CELF2: variants seen among roughly 807,000 people sequenced by gnomAD.
The protein encoded by CELF2 is CUG triplet repeat RNA-binding protein 2.
CELF2 carries 8 observed loss-of-function variants against 62.6 expected under a neutral mutation model. The observed-to-expected ratio is 0.13, with a 90% CI of 0.07 to 0.23. The LOEUF (loss-of-function observed/expected upper bound fraction) is 0.23. CELF2 is among the 10% of genes least tolerant of loss of function. CELF2 has a pLI of 1.00. For missense variants in CELF2, 333 were observed against 671.0 expected, an observed-to-expected ratio of 0.50 and a Z score of 5.56; for synonymous variants, 258 against 250.0, an observed-to-expected ratio of 1.03 and a Z score of -0.30.
chr10:10,777,604 G>A, the CELF2 span, among the ~76,000 whole-genome samples: 1 of 152,086 alleles, frequency 6.6e-6, no homozygotes, highest in Non-Finnish European at 1.5e-5. Context: ...CAAAGCCTTG[G>A]TCAACTTGTC....
At chr10:11,099,144 A>G (rs538361398) in intron 1 of CELF2, among the ~76,000 whole-genome samples, 14 of 152,338 alleles carry the variant, frequency 9.2e-5, no homozygotes, top group African/African-American at 2.9e-4. Flanking sequence ...TGAAAAACCA[A>G]GGGATACATG....
chr10:10,584,831 A>G, the CELF2 span, among the ~76,000 whole-genome samples: 1 of 152,176 alleles, frequency 6.6e-6, no homozygotes, highest in Non-Finnish European at 1.5e-5. Flanking sequence ...GTGGGTTGTG[A>G]GACTAACGAA....
the CELF2 span, among the ~76,000 whole-genome samples, chr10:10,685,171 G>A: frequency 6.6e-6 from 1 of 152,220 alleles, no homozygotes; most frequent in Non-Finnish European, 1.5e-5. Flanking sequence ...CAGGGGGCCA[G>A]AAGTATACAG....
chr10:10,617,516 G>A, the CELF2 span, among the ~76,000 whole-genome samples: 1 of 152,078 alleles, frequency 6.6e-6, no homozygotes, highest in African/African-American at 2.4e-5. Context: ...TTGGAAAGAG[G>A]CAGGCTTAGA....
intron 9 of CELF2, among the ~76,000 whole-genome samples, chr10:11,298,833 A>G (rs919857381): frequency 2.6e-5 from 4 of 152,210 alleles, no homozygotes; most frequent in African/African-American, 7.2e-5. Context: ...ACAGAAGACT[A>G]GGTTAAAACT....
chr10:10,478,022 G>A, the CELF2 span, among the ~76,000 whole-genome samples: 1 of 152,134 alleles, frequency 6.6e-6, no homozygotes, highest in African/African-American at 2.4e-5. Flanking sequence ...TCTTACTGTT[G>A]AGTCATTGAC....
At chr10:10,470,792 T>C in the CELF2 span, among the ~76,000 whole-genome samples, 1 of 150,992 alleles carries the variant, frequency 6.6e-6, no homozygotes, top group Non-Finnish European at 1.5e-5. Flanking sequence ...TCTTTTGCCA[T>C]CTAGTATTGC....
chr10:10,686,100 C>T, the CELF2 span, among the ~76,000 whole-genome samples: 73 of 152,068 alleles, frequency 4.8e-4, no homozygotes, highest in African/African-American at 1.3e-3. Context: ...AGTGTCAACA[C>T]GGTGGTAATA....
At chr10:11,099,868 A>G (rs1353352579) in intron 1 of CELF2, among the ~76,000 whole-genome samples, 5 of 125,268 alleles carry the variant, frequency 4.0e-5, no homozygotes, top group African/African-American at 2.0e-4. Context: ...TTTCTACATT[A>G]AAACAACAAC....
intron 1 of CELF2, chr10:10,919,945 C>T: frequency 8.1e-7 from 1 of 1,229,942 alleles, no homozygotes; most frequent in Non-Finnish European, 1.0e-6. Flanking sequence ...TACTTATCTT[C>T]TTTTTCTCCT....
the CELF2 span, among the ~76,000 whole-genome samples, chr10:10,531,327 T>G: frequency 0.014 from 2,119 of 152,322 alleles, 25 homozygotes; most frequent in Middle Eastern, 0.037. Flanking sequence ...GAAATCTGTA[T>G]TGTAACAGCA....
intron 1 of CELF2, among the ~76,000 whole-genome samples, chr10:11,083,218 A>C (rs916964065): frequency 3.3e-5 from 5 of 152,162 alleles, no homozygotes; most frequent in Admixed American, 1.3e-4. Context: ...ATAAAAATGA[A>C]CTGGGGAAAG....
At chr10:10,512,694 C>T in the CELF2 span, among the ~76,000 whole-genome samples, 4 of 152,146 alleles carry the variant, frequency 2.6e-5, no homozygotes, top group Non-Finnish European at 5.9e-5. Flanking sequence ...GGATTATAGG[C>T]GTAAGCCACC....
chr10:11,139,448 T>C (rs1011670853), intron 1 of CELF2, among the ~76,000 whole-genome samples: 5 of 152,226 alleles, frequency 3.3e-5, no homozygotes, highest in Admixed American at 6.5e-5. Flanking sequence ...TTTCGAGGAA[T>C]ATTTTAAACT....
chr10:10,808,797 A>G (rs930278514), intron 1 of CELF2, among the ~76,000 whole-genome samples: 3 of 152,224 alleles, frequency 2.0e-5, no homozygotes, highest in African/African-American at 7.2e-5. Context: ...ATTACTAAAA[A>G]GTAGAGAAAA....
chr10:11,314,606 T>C lies in CELF2; in HGVS notation c.1096+348T>C. On this transcript the variant is annotated intron_variant, in intron 10 of 12. Coordinates refer to ENST00000633077, the MANE Select transcript of CELF2 (RefSeq NM_001326342.2). The surrounding 1 kb of genome is among the most constrained non-coding windows in gnomAD (Gnocchi z 5.3). ...AGGCAGGGTGTTACGGTGGGAAAAGTTAATGGACTGGAAGGCTGGAAGCCT... is the reference window on the plus strand; with the variant it reads ...AGGCAGGGTGTTACGGTGGGAAAAGCTAATGGACTGGAAGGCTGGAAGCCT... 2.8e-6 allele frequency: 1 copy of C among 359,336 alleles called. No homozygotes were observed. Among genetic ancestry groups the C allele is most frequent in the Non-Finnish European group, 5.4e-6 (1 of 184,538 alleles). 22.3% of individuals were successfully genotyped at this position (359,336 alleles called of 1,614,324 possible).
At chr10:10,795,203 C>T (rs77140763), upstream of CELF2, among the ~76,000 whole-genome samples, 176 of 149,484 alleles carry the variant, frequency 1.2e-3, no homozygotes, top group African/African-American at 4.2e-3. Context: ...CTGGTACTAT[C>T]AGGACAATCA....
chr10:11,065,975 A>G (rs2480795), intron 1 of CELF2, among the ~76,000 whole-genome samples: 49,693 of 152,014 alleles, frequency 0.33, 8,831 homozygotes, highest in African/African-American at 0.43. Flanking sequence ...CCAGGCAGAA[A>G]GCAGTTATAC....
At chr10:11,216,492 A>T (rs912228601) in intron 2 of CELF2, among the ~76,000 whole-genome samples, 7 of 152,220 alleles carry the variant, frequency 4.6e-5, no homozygotes, top group Non-Finnish European at 8.8e-5. Context: ...TTTGTTTCTT[A>T]AATTTCAAGT....
Sources: allele counts gnomAD v4.1 joint callset (sites outside exome capture counted in the v4.1 genomes callset), GRCh38; gene constraint gnomAD v4.1.1; non-coding constraint Gnocchi (gnomAD v3.1); transcripts MANE v1.5; gene names NCBI Gene and HGNC (gene_info 2026-07-23, HGNC 2026-07-21).